Variants in IGSF9B observed in about 807,000 individuals in gnomAD.
IGSF9B encodes the protein immunoglobulin superfamily member 9B.
IGSF9B carries 48 observed loss-of-function variants against 143.7 expected under a neutral mutation model. The observed-to-expected ratio is 0.33, with a 90% CI of 0.26 to 0.42. The LOEUF (loss-of-function observed/expected upper bound fraction) is 0.42. Ranked by LOEUF, IGSF9B falls within the 20% of genes least tolerant of loss-of-function variation. The pLI, the probability that IGSF9B is intolerant of heterozygous loss-of-function variation, is 1.00. For missense variants in IGSF9B, 1,706 were observed against 1,980.0 expected (o/e 0.86, Z 2.63); for synonymous variants, 903 against 833.1 (o/e 1.08, Z -1.44).
chr11:133,923,993 A>G (rs1481227579), intron 15 of IGSF9B, among the ~76,000 whole-genome samples: 1 of 151,932 alleles, frequency 6.6e-6, no homozygotes, highest in Non-Finnish European at 1.5e-5. Context: ...ATTGATGCCT[A>G]ATGTATAAAG....
chr11:133,913,516 C>A lies in IGSF9B; in HGVS notation c.3984-1509G>T, dbSNP rs769646452. Among the ~76,000 whole-genome samples, 2 of 152,186 alleles carry A rather than the reference C, an allele frequency of 1.3e-5. No individual in the cohort carries two copies. Among genetic ancestry groups the A allele is most frequent in the Non-Finnish European group, 2.9e-5 (2 of 68,048 alleles). On this transcript the variant is annotated intron_variant, in intron 18 of 19. Coordinates refer to ENST00000533871, the MANE Select transcript of IGSF9B (RefSeq NM_001277285.4). This position sits in a 1 kb window ranked among gnomAD's most constrained non-coding sequence, Gnocchi z 4.6. Reference sequence around the variant, plus strand: ...CTGGGGGATGTCATCATTCTCTAGTCCTTTAGTCCATAAAGTTTCAAAAGG... The same window carrying A: ...CTGGGGGATGTCATCATTCTCTAGTACTTTAGTCCATAAAGTTTCAAAAGG...
Position 133,901,286 on chromosome 11 carries a change from A to G in IGSF9B, c.*7783T>C, listed in dbSNP as rs1467675467. 1 of 152,256 alleles carries G rather than the reference A, an allele frequency of 6.6e-6. No individual in the cohort carries two copies. Among genetic ancestry groups the G allele is most frequent in the Admixed American group, 6.5e-5 (1 of 15,288 alleles). The allele number at this position is 152,256 out of a possible 1,614,324, so 9.4% of individuals were successfully genotyped here. On this transcript the variant is annotated 3_prime_UTR_variant, in exon 20 of 20. Transcript: ENST00000533871. ...AGAGAATACCAAAGGAAGAGCAGGG[A>G]AGGAGGTGGCGTCAAGGCATGAGCT...
chr11:133,919,550 T>A (rs1006907845), intron 18 of IGSF9B, among the ~76,000 whole-genome samples, 192 bp downstream of exon 18: 5 of 151,424 alleles, frequency 3.3e-5, no homozygotes, highest in Non-Finnish European at 7.4e-5. Context: ...CCTGGGCAGG[T>A]GGGCCCGCTG....
At chr11:133,935,163 G>A (rs554316310) in intron 7 of IGSF9B, among the ~76,000 whole-genome samples, 1 of 152,314 alleles carries the variant, frequency 6.6e-6, no homozygotes, top group East Asian at 1.9e-4. Flanking sequence ...GGAGCACATC[G>A]CCCCCGACAC....
chr11:133,929,050 G>A (rs751703713), intron 12 of IGSF9B, among the ~76,000 whole-genome samples: 45 of 152,124 alleles, frequency 3.0e-4, no homozygotes, highest in Admixed American at 5.2e-4. Context: ...AAGACCTGGT[G>A]TTTGCCAGCA....
rs1300887458 is a variant in IGSF9B, at chr11:133,921,063, CG to C, written c.2661del (p.Glu888SerfsTer21). 1 of 1,613,874 alleles carries C rather than the reference CG, an allele frequency of 6.2e-7. No homozygotes were observed. The highest frequency in any genetic ancestry group is 8.5e-7 in the Non-Finnish European group (1 of 1,179,862). On this transcript the variant is annotated frameshift_variant, in exon 18 of 20. Transcript: ENST00000533871. LOFTEE classifies it high-confidence loss of function. ...TTCTCCTCGTCCGACTGGCGGAACT[CG>C]GGGTACATGTCCGTCTCCTCGGCGA... is the stretch of plus-strand genomic sequence containing the variant. Reference protein sequence around the residue: ...FPFAEETDMYPEFRQSDEENE... With the variant: ...FPFAEETDMYXEFRQSDEENE...
chr11:133,942,791 T>C (rs1229472917), intron 3 of IGSF9B, among the ~76,000 whole-genome samples: 2 of 152,172 alleles, frequency 1.3e-5, no homozygotes, highest in African/African-American at 4.8e-5. Flanking sequence ...CTCAAAAGCT[T>C]ACCAGGTGGT....
chr11:133,944,560 A>T (rs964076760), intron 2 of IGSF9B, among the ~76,000 whole-genome samples, 194 bp from the exon 3 acceptor site: 6 of 152,152 alleles, frequency 3.9e-5, no homozygotes, highest in Admixed American at 2.6e-4. Flanking sequence ...CCTTGGCCAC[A>T]GAGCCACTCT....
chr11:133,952,779 A>G (rs1022665490), intron 1 of IGSF9B, among the ~76,000 whole-genome samples: 14 of 149,012 alleles, frequency 9.4e-5, no homozygotes, highest in Middle Eastern at 3.5e-3. Flanking sequence ...GTGTATGCGC[A>G]CACACATGTG....
In IGSF9B at chr11:133,919,951, G is replaced by C. The variant is rs367790891; in HGVS notation, c.3774C>G (p.Pro1258=). Residue 1258 remains proline, a synonymous_variant, in exon 18 of 20, where the codon CCC becomes CCG. Coordinates refer to ENST00000533871, the MANE Select transcript of IGSF9B (RefSeq NM_001277285.4). ...SRKSTPSTGS[P]SQSSRSGSPS... ...GACTCCCACTGCGGCTGCTCTGGGA[G>C]GGGGAGCCTGTGGACGGCGTAGACT... is the stretch of plus-strand genomic sequence containing the variant. The C allele has an allele frequency of 1.2e-4, 185 of 1,560,338 alleles. 1 individual carries two copies. The highest frequency in any genetic ancestry group is 7.2e-4 in the Admixed American group (37 of 51,472).
chr11:133,902,843 G>A lies in IGSF9B; in HGVS notation c.*6226C>T, dbSNP rs1347472928. ...CGTGAGGAGGCTCATCCCTCCACCA[G>A]AAATACAGCTTCATAGACCACTATG... On this transcript the variant is annotated 3_prime_UTR_variant, in exon 20 of 20. Coordinates refer to ENST00000533871, the MANE Select transcript of IGSF9B (RefSeq NM_001277285.4). Among the ~76,000 whole-genome samples, 1 of 152,166 alleles carries A rather than the reference G, an allele frequency of 6.6e-6. No homozygotes were observed. Among genetic ancestry groups the A allele is most frequent in the Non-Finnish European group, 1.5e-5 (1 of 68,038 alleles).
At chr11:133,926,531 G>C (rs1031831988) in intron 13 of IGSF9B, among the ~76,000 whole-genome samples, 2 of 152,244 alleles carry the variant, frequency 1.3e-5, no homozygotes, top group Non-Finnish European at 2.9e-5. Flanking sequence ...AGGTGGCCTG[G>C]AAGACTCTGC....
rs569581904 is a variant in IGSF9B at position 133,920,164 on chromosome 11, G to A, written c.3561C>T (p.Ala1187=). 137 of 1,509,130 alleles carry A rather than the reference G, an allele frequency of 9.1e-5. 1 individual carries two copies. In the East Asian group the frequency reaches 2.9e-3, roughly 32 times the overall value. 93.5% of individuals were successfully genotyped at this position (1,509,130 alleles called of 1,614,324 possible). ...GCACCACTTGATGTAAACTGGGCTCGGCGCGCCTGGCCTGCCGAGGGCTAG... is the reference window on the plus strand; with the variant it reads ...GCACCACTTGATGTAAACTGGGCTCAGCGCGCCTGGCCTGCCGAGGGCTAG... ...PRPSPRQARR[A]EPSLHQVVLQ... The change falls in exon 18 of 20, where the codon GCC becomes GCT. Residue 1187 remains alanine (A), a synonymous_variant. Coordinates refer to ENST00000533871, the MANE Select transcript of IGSF9B (RefSeq NM_001277285.4).
intron 16 of IGSF9B, 54 bp downstream of exon 16, chr11:133,922,515 G>T: frequency 6.4e-7 from 1 of 1,557,760 alleles, no homozygotes; most frequent in Non-Finnish European, 8.8e-7. Flanking sequence ...CTCTCTTGAT[G>T]GGGGGCATTT....
At chr11:133,947,621 C>T (rs1781132125) in intron 1 of IGSF9B, among the ~76,000 whole-genome samples, 1 of 152,200 alleles carries the variant, frequency 6.6e-6, no homozygotes, top group African/African-American at 2.4e-5. Flanking sequence ...GTGTGCACCT[C>T]GCTGTCTCTT....
rs59414581 is a variant in IGSF9B at position 133,948,617 on chromosome 11, CTGTGTG to C, written c.65-2365_65-2360del. 0.16 allele frequency among the ~76,000 whole-genome samples: 23,178 copies of C among 140,762 alleles called. 1,853 individuals carry two copies. The highest frequency in any genetic ancestry group is 0.24 in the Middle Eastern group (69 of 288). 92.3% of individuals were successfully genotyped at this position (140,762 alleles called of 152,430 possible). On this transcript the variant is annotated intron_variant, in intron 1 of 19. Transcript: ENST00000533871. The surrounding 1 kb of genome is among the most constrained non-coding windows in gnomAD (Gnocchi z 4.7). ...TGGGTGCCATGAGTTTGCAGAGAAG[CTGTGTG>C]TGTGTGTGTGTGTGTGTGTGTGTGT...
At position 133,945,948 on chromosome 11, in the gene IGSF9B, G is replaced by C. The variant is rs1940040582; in HGVS notation, c.262+113C>G. On this transcript the variant is annotated intron_variant, in intron 2 of 19. Coordinates refer to ENST00000533871, the MANE Select transcript of IGSF9B (RefSeq NM_001277285.4). This position sits in a 1 kb window ranked among gnomAD's most constrained non-coding sequence, Gnocchi z 4.6. ...CAAAGGATGGGAGGAACCAGGCAGA[G>C]ACTGGGAAACAGAGATAAAGAGTGG... 1.4e-6 allele frequency: 1 copy of C among 726,498 alleles called. No individual in the cohort carries two copies. Among genetic ancestry groups the C allele is most frequent in the South Asian group, 2.0e-5 (1 of 51,240 alleles). 45.0% of individuals were successfully genotyped at this position (726,498 alleles called of 1,614,324 possible). A position where few individuals can be genotyped will look rare whatever the true frequency, so the allele number is the denominator to read the frequency against.
At chr11:133,940,363 AC>A (rs1939922818) in intron 3 of IGSF9B, among the ~76,000 whole-genome samples, 4 of 145,464 alleles carry the variant, frequency 2.7e-5, no homozygotes, top group Non-Finnish European at 3.0e-5. Context: ...TCGCACGCAC[AC>A]ACACCTCGCA....
rs1449700659 is a variant in IGSF9B at position 133,936,022 on chromosome 11, C to T, written c.821+31G>A. 20 of 1,608,696 alleles carry T rather than the reference C, an allele frequency of 1.2e-5. No homozygotes were observed. In the Admixed American group the frequency reaches 2.2e-4, roughly 18 times the overall value. On this transcript the variant is annotated intron_variant, in intron 6 of 19. Transcript: ENST00000533871. Reference sequence around the variant, plus strand: ...CTGCCCGTGGGGGCTGGGGTGGCAACCTCATTGAAAAGTCAGAGCAGGGTG... The same window carrying T: ...CTGCCCGTGGGGGCTGGGGTGGCAATCTCATTGAAAAGTCAGAGCAGGGTG...
Sources: gnomAD v4.1 joint callset for allele counts (sites outside exome capture counted in the v4.1 genomes callset) on GRCh38, gnomAD v4.1.1 for gene constraint, Gnocchi (gnomAD v3.1) non-coding constraint, MANE v1.5 for transcripts, NCBI Gene and HGNC (gene_info 2026-07-23, HGNC 2026-07-21) for gene names.